Variants in SLC25A20 observed in about 807,000 individuals in gnomAD.
SLC25A20 encodes the protein solute carrier family 25 member 20, also known as mitochondrial carnitine/acylcarnitine carrier protein.
Under a neutral mutation model 39.7 loss-of-function variants are expected in SLC25A20, and 29 were observed. The ratio of observed to expected loss-of-function variants is 0.73; its 90% CI spans 0.54 to 1.00. The LOEUF (loss-of-function observed/expected upper bound fraction) is 1.00. Among genes scored for constraint, SLC25A20 ranks in the 50% least tolerant of loss-of-function variants. SLC25A20 has a pLI of 0.00. For missense variants in SLC25A20, 333 were observed against 379.9 expected (o/e 0.88, Z 1.03); for synonymous variants, 103 against 142.2 (o/e 0.72, Z 1.96).
At chr3:48,869,111 G>A (rs1427260723) in intron 4 of SLC25A20, among the ~76,000 whole-genome samples, 1 of 152,010 alleles carries the variant, frequency 6.6e-6, no homozygotes, top group Non-Finnish European at 1.5e-5. Context: ...CTGTAATGAG[G>A]CTGCATCCTT....
intron 1 of SLC25A20, among the ~76,000 whole-genome samples, chr3:48,893,720 G>T (rs2083893176): frequency 6.6e-6 from 1 of 151,540 alleles, no homozygotes; most frequent in African/African-American, 2.4e-5. Context: ...TGTAGAGATG[G>T]GTTTTCACCA....
At chr3:48,880,043 G>A (rs987348357) in intron 3 of SLC25A20, among the ~76,000 whole-genome samples, 9 of 152,268 alleles carry the variant, frequency 5.9e-5, no homozygotes, top group African/African-American at 1.7e-4. Context: ...CATGCAACGT[G>A]CTGTAAGACG....
chr3:48,869,704 T>C (rs1396141387), intron 4 of SLC25A20, among the ~76,000 whole-genome samples: 1 of 151,694 alleles, frequency 6.6e-6, no homozygotes, highest in African/African-American at 2.4e-5. Flanking sequence ...TCCCAGCTAA[T>C]AGGAGGCTGA....
At chr3:48,872,923 T>C (rs1207345355) in intron 4 of SLC25A20, among the ~76,000 whole-genome samples, 1 of 151,672 alleles carries the variant, frequency 6.6e-6, no homozygotes, top group African/African-American at 2.4e-5. Context: ...CATAAAATGA[T>C]AAATAAAACC....
At chr3:48,858,747 G>A (rs927244650) in intron 7 of SLC25A20, 116 bp from the exon 8 acceptor site, 3 of 1,262,466 alleles carry the variant, frequency 2.4e-6, no homozygotes, top group Non-Finnish European at 3.4e-6. Context: ...TGTGGGACCA[G>A]TCCATAGACA....
chr3:48,870,140 C>T (rs563722300), intron 4 of SLC25A20, among the ~76,000 whole-genome samples: 1 of 152,242 alleles, frequency 6.6e-6, no homozygotes, highest in African/African-American at 2.4e-5. Context: ...TGGCTCTCGC[C>T]TATAATCCCA....
chr3:48,897,211 G>A (rs1397875629), intron 1 of SLC25A20, among the ~76,000 whole-genome samples: 1 of 151,024 alleles, frequency 6.6e-6, no homozygotes, highest in Non-Finnish European at 1.5e-5. Context: ...CTAAAAAGAG[G>A]CTTTCTGGTT....
At chr3:48,885,198 G>C (rs2083821084) in intron 2 of SLC25A20, among the ~76,000 whole-genome samples, 1 of 151,930 alleles carries the variant, frequency 6.6e-6, no homozygotes, top group African/African-American at 2.4e-5. Flanking sequence ...TTGAGCCAAG[G>C]AGTTCAAGGC....
intron 1 of SLC25A20, among the ~76,000 whole-genome samples, chr3:48,898,350 C>G (rs951881633): frequency 6.6e-6 from 1 of 152,206 alleles, no homozygotes; most frequent in Admixed American, 6.5e-5. Flanking sequence ...TCAACCTTAA[C>G]GATAATATTA....
intron 4 of SLC25A20, among the ~76,000 whole-genome samples, chr3:48,867,080 C>T (rs1230902965): frequency 1.3e-5 from 2 of 151,936 alleles, no homozygotes; most frequent in Non-Finnish European, 2.9e-5. Flanking sequence ...CAGGTGTGAG[C>T]CACCGCGCCT....
chr3:48,894,563 G>A (rs534559395), intron 1 of SLC25A20, among the ~76,000 whole-genome samples: 1 of 151,644 alleles, frequency 6.6e-6, no homozygotes, highest in South Asian at 2.1e-4. Context: ...ATGAGCCACC[G>A]GCCCGGCCCT....
chr3:48,868,111 A>G (rs1176760520), intron 4 of SLC25A20, among the ~76,000 whole-genome samples: 3 of 151,424 alleles, frequency 2.0e-5, no homozygotes, highest in Non-Finnish European at 4.4e-5. Context: ...GCAGGTAGGT[A>G]CATGGAGGTA....
intron 4 of SLC25A20, among the ~76,000 whole-genome samples, chr3:48,868,946 C>T (rs1044905379): frequency 4.6e-5 from 7 of 152,188 alleles, no homozygotes; most frequent in Non-Finnish European, 7.3e-5. Flanking sequence ...GGAATTAGGA[C>T]TTGCATCCCT....
intron 4 of SLC25A20, among the ~76,000 whole-genome samples, chr3:48,863,011 G>A (rs891322019): frequency 2.0e-5 from 3 of 152,156 alleles, no homozygotes; most frequent in Non-Finnish European, 2.9e-5. Context: ...GGTCAACACG[G>A]TGAAACCCTG....
chr3:48,862,668 G>C lies in SLC25A20; in HGVS notation c.418-9C>G. ...CCTGAAGAAGCCTGAATCTGGGAGG[G>C]AGGAGAGGATCATTAAGTCAGAAAC... On this transcript the variant is annotated splice_polypyrimidine_tract_variant and intron_variant, in intron 4 of 8. Coordinates refer to ENST00000319017, the MANE Select transcript of SLC25A20 (RefSeq NM_000387.6). The C allele has an allele frequency of 6.4e-7, 1 of 1,574,310 alleles. No individual in the cohort carries two copies. Among genetic ancestry groups the C allele is most frequent in the Non-Finnish European group, 8.7e-7 (1 of 1,143,722 alleles).
chr3:48,870,558 C>CTTTTTTT (rs752195846), intron 4 of SLC25A20, among the ~76,000 whole-genome samples: 57 of 123,422 alleles, frequency 4.6e-4, no homozygotes, highest in South Asian at 5.3e-4. Flanking sequence ...TTTTCTTTTT[C>CTTTTTTT]TTTTTTTTTT....
At chr3:48,862,773 C>A (rs2083637215) in intron 4 of SLC25A20, 114 bp from the exon 5 acceptor site, 1 of 750,312 alleles carries the variant, frequency 1.3e-6, no homozygotes. Context: ...TAAAAGACTT[C>A]ACTGTCAAAT....
intron 2 of SLC25A20, among the ~76,000 whole-genome samples, chr3:48,890,287 C>T (rs1167691967): frequency 2.0e-5 from 3 of 151,922 alleles, no homozygotes; most frequent in South Asian, 2.1e-4. Context: ...CCTGGGTTCA[C>T]GCCATTCTCC....
intron 5 of SLC25A20, among the ~76,000 whole-genome samples, chr3:48,861,069 C>T (rs1254724224): frequency 1.1e-4 from 16 of 151,798 alleles, no homozygotes; most frequent in Non-Finnish European, 1.8e-4. Flanking sequence ...CCTCGTGATC[C>T]GCCCGCCTCG....
Sources: gnomAD v4.1 joint callset for allele counts (sites outside exome capture counted in the v4.1 genomes callset) on GRCh38, gnomAD v4.1.1 for gene constraint, MANE v1.5 for transcripts, NCBI Gene and HGNC (gene_info 2026-07-23, HGNC 2026-07-21) for gene names.